AP3S1: variants seen among roughly 807,000 people sequenced by gnomAD.
The protein encoded by AP3S1 is adaptor related protein complex 3 subunit sigma 1.
In AP3S1, 12 loss-of-function variants were observed where a neutral mutation model predicts 21.3. That is an observed-to-expected ratio of 0.56 (90% confidence interval 0.36 to 0.91). The LOEUF (loss-of-function observed/expected upper bound fraction) is 0.91. AP3S1 is among the 40% of genes least tolerant of loss of function. The probability of loss-of-function intolerance (pLI) is 0.01; values close to 1 mark genes in which losing one functional copy is unlikely to be tolerated. For synonymous variants in AP3S1, 48 were observed against 78.4 expected, an observed-to-expected ratio of 0.61 and a Z score of 2.05; for missense variants, 116 against 225.0, an observed-to-expected ratio of 0.52 and a Z score of 3.10.
chr5:115,863,242 C>G (rs1180437042), intron 1 of AP3S1, among the ~76,000 whole-genome samples: 2 of 151,872 alleles, frequency 1.3e-5, no homozygotes, highest in African/African-American at 4.8e-5. Flanking sequence ...ACTAAAAATA[C>G]AAAAATTAGC....
intron 3 of AP3S1, among the ~76,000 whole-genome samples, chr5:115,870,571 GTGCAACCCTT>G (rs1561492227): frequency 6.6e-6 from 1 of 152,064 alleles, no homozygotes; most frequent in Non-Finnish European, 1.5e-5. Flanking sequence ...ATGATACTAC[GTGCAACCCTT>G]TGAAGTAGTG....
At chr5:115,856,432 CT>C (rs11320249) in intron 1 of AP3S1, among the ~76,000 whole-genome samples, 54,290 of 143,866 alleles carry the variant, frequency 0.38, 10,016 homozygotes, top group African/African-American at 0.45. Context: ...CATCCAGCAT[CT>C]TTTTTTTTTT....
rs1485174401 is a variant in AP3S1 at position 115,861,860 on chromosome 5, C to CTTTTTTT, written c.70-4806_70-4805insTTTTTTT. Among the ~76,000 whole-genome samples, 27 of 120,110 alleles carry CTTTTTTT rather than the reference C, an allele frequency of 2.2e-4. 1 individual carries two copies. The highest frequency in any genetic ancestry group is 5.3e-4 in the African/African-American group (16 of 30,476). 78.8% of individuals were successfully genotyped at this position (120,110 alleles called of 152,430 possible). ...CTGAACCAGGCCAAAATTTTCTTTT[C>CTTTTTTT]TTTTCTTTTTTTTTTTTTTTTTTTG... is the stretch of plus-strand genomic sequence containing the variant. On this transcript the variant is annotated intron_variant, in intron 1 of 5. Coordinates refer to ENST00000316788, the MANE Select transcript of AP3S1 (RefSeq NM_001284.4).
At chr5:115,856,795 CTTA>C (rs2112797778) in intron 1 of AP3S1, among the ~76,000 whole-genome samples, 1 of 152,246 alleles carries the variant, frequency 6.6e-6, no homozygotes, top group South Asian at 2.1e-4. Flanking sequence ...ATCTCACCAA[CTTA>C]TTATTTCTTT....
At chr5:115,907,342 A>G (rs1435435561) in intron 5 of AP3S1, among the ~76,000 whole-genome samples, 1 of 152,202 alleles carries the variant, frequency 6.6e-6, no homozygotes, top group East Asian at 1.9e-4. Context: ...CTGAACCTTC[A>G]GAGTTTTGCA....
At chr5:115,858,157 T>G (rs1762924106) in intron 1 of AP3S1, among the ~76,000 whole-genome samples, 1 of 152,194 alleles carries the variant, frequency 6.6e-6, no homozygotes, top group South Asian at 2.1e-4. Context: ...ATTGCTTCAT[T>G]TCTTTGTTTA....
At chr5:115,866,851 C>T in intron 2 of AP3S1, 90 bp downstream of exon 2, 1 of 726,082 alleles carries the variant, frequency 1.4e-6, no homozygotes, top group South Asian at 4.8e-5. Flanking sequence ...AAGTTTTCTA[C>T]TTTTGATTAA....
chr5:115,871,291 C>T (rs772807018), intron 3 of AP3S1, among the ~76,000 whole-genome samples: 2 of 152,262 alleles, frequency 1.3e-5, no homozygotes, highest in African/African-American at 2.4e-5. Flanking sequence ...GATTTTGGTT[C>T]TTGGTTCCCT....
intron 1 of AP3S1, among the ~76,000 whole-genome samples, chr5:115,843,722 G>A (rs1310844733): frequency 6.6e-6 from 1 of 152,202 alleles, no homozygotes; most frequent in Non-Finnish European, 1.5e-5. Context: ...ATTAAAAATA[G>A]TGGGTTTCCT....
At chr5:115,870,571 G>T (rs556041187) in intron 3 of AP3S1, among the ~76,000 whole-genome samples, 1 of 152,064 alleles carries the variant, frequency 6.6e-6, no homozygotes, top group Non-Finnish European at 1.5e-5. Context: ...ATGATACTAC[G>T]TGCAACCCTT....
intron 3 of AP3S1, among the ~76,000 whole-genome samples, chr5:115,878,575 TA>T (rs1489415959): frequency 5.3e-5 from 8 of 152,218 alleles, no homozygotes; most frequent in Admixed American, 1.3e-4. Context: ...TTGGCACCAG[TA>T]CCATGCTGTT....
intron 1 of AP3S1, among the ~76,000 whole-genome samples, chr5:115,863,719 C>A (rs1363779773): frequency 6.6e-6 from 1 of 152,076 alleles, no homozygotes; most frequent in Non-Finnish European, 1.5e-5. Flanking sequence ...ATAAGAAAGG[C>A]ATATCTATAG....
At chr5:115,901,464 C>G (rs1751205942) in intron 4 of AP3S1, among the ~76,000 whole-genome samples, 1 of 140,812 alleles carries the variant, frequency 7.1e-6, no homozygotes, top group Non-Finnish European at 1.5e-5. Context: ...GTTTGGTTGG[C>G]TAGGAAGATT....
At chr5:115,846,748 A>G (rs1580604702) in intron 1 of AP3S1, among the ~76,000 whole-genome samples, 1 of 152,202 alleles carries the variant, frequency 6.6e-6, no homozygotes, top group South Asian at 2.1e-4. Flanking sequence ...AGAATTATCA[A>G]CACTCCTGAG....
intron 3 of AP3S1, among the ~76,000 whole-genome samples, chr5:115,882,017 T>G (rs956045778): frequency 6.6e-6 from 1 of 151,818 alleles, no homozygotes; most frequent in African/African-American, 2.4e-5. Flanking sequence ...GTGTGCTTCA[T>G]GAAGTTCTCC....
At chr5:115,860,548 C>G (rs1763099655) in intron 1 of AP3S1, among the ~76,000 whole-genome samples, 1 of 152,120 alleles carries the variant, frequency 6.6e-6, no homozygotes, top group Non-Finnish European at 1.5e-5. Flanking sequence ...TTTTACAGTA[C>G]TCTCTTTATC....
intron 1 of AP3S1, among the ~76,000 whole-genome samples, chr5:115,859,285 G>A (rs1190903438): frequency 6.6e-6 from 1 of 152,194 alleles, no homozygotes; most frequent in South Asian, 2.1e-4. Context: ...ATAAAGCCCA[G>A]CGTTGGTGTT....
chr5:115,866,843 G>T (rs916854687), intron 2 of AP3S1, 82 bp downstream of exon 2: 16 of 831,540 alleles, frequency 1.9e-5, no homozygotes, highest in Non-Finnish European at 2.5e-5. Flanking sequence ...TATGGTAAAA[G>T]TTTTCTACTT....
chr5:115,862,864 C>T (rs1165400691), intron 1 of AP3S1, among the ~76,000 whole-genome samples: 3 of 152,154 alleles, frequency 2.0e-5, no homozygotes, highest in Admixed American at 1.3e-4. Context: ...AATATCATGA[C>T]GCTACAAGAA....
Sources: gnomAD v4.1 joint callset for allele counts (sites outside exome capture counted in the v4.1 genomes callset) on GRCh38, gnomAD v4.1.1 for gene constraint, MANE v1.5 for transcripts, NCBI Gene and HGNC (gene_info 2026-07-23, HGNC 2026-07-21) for gene names.